TRIO: variants seen among roughly 807,000 people sequenced by gnomAD.
TRIO encodes trio Rho guanine nucleotide exchange factor, also known as triple functional domain protein.
TRIO carries 58 observed loss-of-function variants against 351.9 expected under a neutral mutation model. The ratio of observed to expected loss-of-function variants is 0.16; its 90% CI spans 0.13 to 0.21. TRIO has a LOEUF of 0.21. Among genes scored for constraint, TRIO ranks in the 10% least tolerant of loss-of-function variants. The pLI, the probability that TRIO is intolerant of heterozygous loss-of-function variation, is 1.00. For synonymous variants in TRIO, 1,758 were observed against 1,595.7 expected (o/e 1.10, Z -2.42); for missense variants, 3,201 against 4,027.8 (o/e 0.79, Z 5.56).
chr5:14,351,022 G>A (rs1369528954), intron 11 of TRIO, among the ~76,000 whole-genome samples: 1 of 152,148 alleles, frequency 6.6e-6, no homozygotes, highest in Non-Finnish European at 1.5e-5. Flanking sequence ...TAATGCCGCT[G>A]CTGATCTGAC....
At chr5:14,287,581 G>A (rs531260427) in intron 4 of TRIO, among the ~76,000 whole-genome samples, 4 of 152,246 alleles carry the variant, frequency 2.6e-5, no homozygotes, top group African/African-American at 9.6e-5. Context: ...AATTCAGTTA[G>A]GCATGGAAGA....
chr5:14,388,986 A>G (rs184108962), intron 24 of TRIO, among the ~76,000 whole-genome samples: 1 of 152,336 alleles, frequency 6.6e-6, no homozygotes, highest in African/African-American at 2.4e-5. Flanking sequence ...GTGCCTACTA[A>G]TTATGACTGG....
chr5:14,353,054 G>A lies in TRIO; in HGVS notation c.2047-5124G>A, dbSNP rs559107285. On this transcript the variant is annotated intron_variant, in intron 11 of 56. Coordinates refer to ENST00000344204, the MANE Select transcript of TRIO (RefSeq NM_007118.4). ...TTTTTAGGAGTAAAAAGATTTAAAT[G>A]TGGGATGATGTTAAGTTTACTAGAC... Among the ~76,000 whole-genome samples, 20 of 152,236 alleles carry A rather than the reference G, an allele frequency of 1.3e-4. 1 individual carries two copies. The highest frequency in any genetic ancestry group is 4.3e-4 in the African/African-American group (18 of 41,560).
At chr5:14,146,692 C>T (rs1040683954) in intron 1 of TRIO, among the ~76,000 whole-genome samples, 1 of 152,230 alleles carries the variant, frequency 6.6e-6, no homozygotes, top group African/African-American at 2.4e-5. Context: ...AGGACTGCTG[C>T]CCTGGAGAGG....
rs115987294 is a variant in TRIO at position 14,187,588 on chromosome 5, T to C, written c.157+43706T>C. Among the ~76,000 whole-genome samples the C allele has an allele frequency of 3.2e-3, 486 of 152,324 alleles. 3 individuals are homozygous for C. Among genetic ancestry groups the C allele is most frequent in the African/African-American group, 0.011 (454 of 41,564 alleles). ...GCCATCCTATTTAATCTAAGTAAGT[T>C]CTATTTCTTCTGTTTGTAGATTTTT... On this transcript the variant is annotated intron_variant, in intron 1 of 56. Coordinates refer to ENST00000344204, the MANE Select transcript of TRIO (RefSeq NM_007118.4).
intron 21 of TRIO, 148 bp from the exon 22 acceptor site, chr5:14,387,290 G>T: frequency 1.5e-6 from 1 of 665,890 alleles, no homozygotes. Context: ...GAGATGGAGT[G>T]GGTGGACCTG....
intron 36 of TRIO, among the ~76,000 whole-genome samples, chr5:14,465,162 C>T (rs946416120): frequency 1.3e-5 from 2 of 152,052 alleles, no homozygotes; most frequent in Admixed American, 6.5e-5. Flanking sequence ...GACCCTAAGC[C>T]TCTCATTCTG....
intron 8 of TRIO, among the ~76,000 whole-genome samples, chr5:14,305,228 G>C (rs1444045027): frequency 1.3e-5 from 2 of 152,236 alleles, no homozygotes; most frequent in African/African-American, 4.8e-5. Context: ...GTTAGCCCAG[G>C]CAGGCAGGCT....
rs568886644 is a variant in TRIO, at chr5:14,150,200, G to C, written c.157+6318G>C. Reference sequence around the variant, plus strand: ...ATTCCATTAATGTTGAGTGAGAGAAGACAGTCTCAAAATGCTGCATGCTGT... The same window carrying C: ...ATTCCATTAATGTTGAGTGAGAGAACACAGTCTCAAAATGCTGCATGCTGT... On this transcript the variant is annotated intron_variant, in intron 1 of 56. Coordinates refer to ENST00000344204, the MANE Select transcript of TRIO (RefSeq NM_007118.4). Among the ~76,000 whole-genome samples the C allele has an allele frequency of 4.4e-4, 67 of 152,128 alleles. 1 individual carries two copies. The highest frequency in any genetic ancestry group is 2.5e-3 in the South Asian group (12 of 4,812).
intron 1 of TRIO, among the ~76,000 whole-genome samples, chr5:14,249,306 A>G (rs1177318212): frequency 2.6e-5 from 4 of 152,184 alleles, no homozygotes; most frequent in Non-Finnish European, 5.9e-5. Context: ...GTTGGTAGGA[A>G]GCTGATGAGA....
At chr5:14,448,318 CAGGCTGT>C (rs1752588276) in intron 34 of TRIO, among the ~76,000 whole-genome samples, 4 of 152,270 alleles carry the variant, frequency 2.6e-5, no homozygotes, top group Non-Finnish European at 1.5e-5. Flanking sequence ...AGTGCCGCAG[CAGGCTGT>C]CGCTCCTTGC....
intron 48 of TRIO, chr5:14,488,758 A>G (rs1477995504): frequency 5.1e-6 from 3 of 591,392 alleles, no homozygotes; most frequent in South Asian, 4.0e-5. Flanking sequence ...TCCAACAGCA[A>G]CTCAAAGCAA....
At chr5:14,157,445 C>T (rs1429112815) in intron 1 of TRIO, among the ~76,000 whole-genome samples, 2 of 149,160 alleles carry the variant, frequency 1.3e-5, no homozygotes, top group African/African-American at 2.5e-5. Context: ...CTGTCTCCCT[C>T]TCTCTCCCTG....
chr5:14,204,247 CCTGT>C (rs1791322792), intron 1 of TRIO, among the ~76,000 whole-genome samples: 1 of 152,148 alleles, frequency 6.6e-6, no homozygotes, highest in Admixed American at 6.5e-5. Context: ...AAAGCACCAG[CCTGT>C]CTTTTTACCG....
At chr5:14,392,757 T>A (rs1009984035) in intron 27 of TRIO, among the ~76,000 whole-genome samples, 8 of 152,080 alleles carry the variant, frequency 5.3e-5, no homozygotes, top group Admixed American at 3.9e-4. Context: ...TAAAAAAGGA[T>A]GAGTTTGGGC....
intron 48 of TRIO, among the ~76,000 whole-genome samples, chr5:14,491,104 C>T (rs1756450877): frequency 1.3e-5 from 2 of 152,156 alleles, no homozygotes; most frequent in Non-Finnish European, 2.9e-5. Context: ...CACCACAGGT[C>T]TAGATTCATA....
intron 11 of TRIO, among the ~76,000 whole-genome samples, chr5:14,356,431 A>G (rs1224404492): frequency 6.6e-6 from 1 of 152,248 alleles, no homozygotes; most frequent in Non-Finnish European, 1.5e-5. Flanking sequence ...ATAGTGAGAT[A>G]TACCACTCAT....
At chr5:14,230,732 A>G (rs1241197546) in intron 1 of TRIO, among the ~76,000 whole-genome samples, 8 of 151,862 alleles carry the variant, frequency 5.3e-5, no homozygotes, top group Admixed American at 1.3e-4. Context: ...TCTAGGGTAA[A>G]TTTTCTCATC....
At chr5:14,294,929 G>A (rs1737214580) in intron 6 of TRIO, among the ~76,000 whole-genome samples, 2 of 152,002 alleles carry the variant, frequency 1.3e-5, no homozygotes, top group Non-Finnish European at 2.9e-5. Context: ...TTTTTTTTGG[G>A]AGGGGGGTCG....
Sources: allele counts gnomAD v4.1 joint callset (sites outside exome capture counted in the v4.1 genomes callset), GRCh38; gene constraint gnomAD v4.1.1; transcripts MANE v1.5; gene names NCBI Gene and HGNC (gene_info 2026-07-23, HGNC 2026-07-21).